Variants in PCSK5 observed in about 807,000 individuals in gnomAD.
PCSK5 encodes the protein prohormone convertase 5.
PCSK5 carries 129 observed loss-of-function variants against 233.2 expected under a neutral mutation model. That is an observed-to-expected ratio of 0.55 (90% confidence interval 0.48 to 0.64). The LOEUF (loss-of-function observed/expected upper bound fraction) is 0.64. Among genes scored for constraint, PCSK5 ranks in the 30% least tolerant of loss-of-function variants. The pLI, the probability that PCSK5 is intolerant of heterozygous loss-of-function variation, is 0.00. For missense variants in PCSK5, 2,076 were observed against 2,430.1 expected, an observed-to-expected ratio of 0.85 and a Z score of 3.06; for synonymous variants, 825 against 879.2, an observed-to-expected ratio of 0.94 and a Z score of 1.09.
chr9:76,352,935 G>C (rs147330751), intron 36 of PCSK5, among the ~76,000 whole-genome samples: 40 of 151,910 alleles, frequency 2.6e-4, no homozygotes, highest in African/African-American at 9.4e-4. Flanking sequence ...TGTAGTCCCA[G>C]CTACTTGTGG....
chr9:75,908,964 TATCTATCTATCTATCTATCTATCTATCC>T lies in PCSK5; in HGVS notation c.192+17592_192+17619del, dbSNP rs1407311786. 7.0e-5 allele frequency among the ~76,000 whole-genome samples: 8 copies of T among 114,944 alleles called. No individual in the cohort carries two copies. The East Asian group carries it at 2.1e-3, about 30-fold the overall frequency. 75.4% of individuals were successfully genotyped at this position (114,944 alleles called of 152,430 possible). A position where few individuals can be genotyped will look rare whatever the true frequency, so the allele number is the denominator to read the frequency against. Reference sequence around the variant, plus strand: ...CTGTCTATCTATCTATCTATCTATCTATCTATCTATCTATCTATCTATCTATCCGATTTTCTCTCCTCTGCTAGATAAT... The same window carrying T: ...CTGTCTATCTATCTATCTATCTATCTGATTTTCTCTCCTCTGCTAGATAAT... On this transcript the variant is annotated intron_variant, in intron 1 of 37. Transcript: ENST00000674117.
intron 1 of PCSK5, among the ~76,000 whole-genome samples, chr9:75,920,435 T>C (rs533057502): frequency 2.6e-5 from 4 of 152,082 alleles, no homozygotes; most frequent in Non-Finnish European, 4.4e-5. Flanking sequence ...ATCTATCACA[T>C]ACTTTTAATT....
chr9:76,208,771 C>T (rs1470547918), intron 20 of PCSK5, among the ~76,000 whole-genome samples: 1 of 152,148 alleles, frequency 6.6e-6, no homozygotes, highest in Non-Finnish European at 1.5e-5. Context: ...ATTCTGATTG[C>T]TCATGCGGTA....
intron 1 of PCSK5, among the ~76,000 whole-genome samples, chr9:75,915,472 C>T (rs1392754868): frequency 3.3e-5 from 5 of 152,260 alleles, no homozygotes; most frequent in African/African-American, 1.2e-4. Flanking sequence ...ATTCCCCACT[C>T]TTGGTCTTTA....
rs557836811 is a variant in PCSK5 at position 76,321,488 on chromosome 9, C to T, written c.3951C>T (p.Asn1317=). Residue 1317 remains asparagine (N), a synonymous_variant, in exon 31 of 38, where the codon AAC becomes AAT. Coordinates refer to ENST00000674117, the MANE Select transcript of PCSK5 (RefSeq NM_001372043.1). ...CSSPCRTCEG[N]ATNCHSCEGG... ...CTCCTTGCAGAACATGTGAAGGAAA[C>T]GCCACCAACTGCCATTCTTGTGAAG... The T allele has an allele frequency of 2.2e-5, 36 of 1,612,180 alleles. 1 individual carries two copies. Among genetic ancestry groups the T allele is most frequent in the South Asian group, 7.7e-5 (7 of 91,070 alleles).
chr9:75,946,805 G>T (rs1399622008), intron 2 of PCSK5, among the ~76,000 whole-genome samples: 1 of 152,090 alleles, frequency 6.6e-6, no homozygotes, highest in Non-Finnish European at 1.5e-5. Context: ...GGCCAGGCTG[G>T]TCTTGAACTC....
chr9:76,351,478 A>C (rs1228888045), intron 36 of PCSK5, among the ~76,000 whole-genome samples: 1 of 87,670 alleles, frequency 1.1e-5, no homozygotes, highest in Non-Finnish European at 2.5e-5. Context: ...GAAAGAAAGA[A>C]AGAAAGAAAG....
chr9:76,221,783 T>C (rs1370073227), intron 20 of PCSK5, among the ~76,000 whole-genome samples: 1 of 152,154 alleles, frequency 6.6e-6, no homozygotes, highest in Non-Finnish European at 1.5e-5. Flanking sequence ...GGATCCACAA[T>C]TTACGATCCA....
chr9:76,005,092 T>C (rs2131438110), intron 3 of PCSK5, among the ~76,000 whole-genome samples: 1 of 152,358 alleles, frequency 6.6e-6, no homozygotes. Context: ...GTGAGAATCA[T>C]AGTTATTAAC....
intron 1 of PCSK5, among the ~76,000 whole-genome samples, chr9:75,900,290 T>G (rs1180976404): frequency 6.6e-6 from 1 of 152,186 alleles, no homozygotes; most frequent in African/African-American, 2.4e-5. Context: ...ACAAGAGTGA[T>G]CCCCGCATAC....
At chr9:76,209,369 T>C in intron 20 of PCSK5, 1 of 287,212 alleles carries the variant, frequency 3.5e-6, no homozygotes, top group Non-Finnish European at 7.0e-6. Context: ...TAGAATTTAG[T>C]AGCTTCTAAC....
intron 4 of PCSK5, among the ~76,000 whole-genome samples, chr9:76,024,888 A>T (rs554527491): frequency 6.6e-6 from 1 of 152,322 alleles, no homozygotes; most frequent in African/African-American, 2.4e-5. Context: ...AGCAAATCCA[A>T]CTTTGGTTTT....
chr9:76,259,198 C>T (rs1204506575), intron 24 of PCSK5, among the ~76,000 whole-genome samples: 1 of 152,178 alleles, frequency 6.6e-6, no homozygotes, highest in African/African-American at 2.4e-5. Context: ...ACTTTAGTCT[C>T]CTGCACATCT....
chr9:76,196,407 A>C (rs1022203556), intron 20 of PCSK5, among the ~76,000 whole-genome samples: 1 of 152,252 alleles, frequency 6.6e-6, no homozygotes, highest in Non-Finnish European at 1.5e-5. Flanking sequence ...GTCTAAAATA[A>C]ATCTCCGGTA....
chr9:75,931,818 G>A (rs538665961), intron 1 of PCSK5, among the ~76,000 whole-genome samples: 203 of 152,250 alleles, frequency 1.3e-3, no homozygotes, highest in South Asian at 2.3e-3. Flanking sequence ...TAGATATTGC[G>A]ATTTTACTTT....
At chr9:76,096,275 T>A (rs1831511055) in intron 8 of PCSK5, among the ~76,000 whole-genome samples, 173 bp downstream of exon 8, 1 of 152,088 alleles carries the variant, frequency 6.6e-6, no homozygotes, top group African/African-American at 2.4e-5. Context: ...TTGTAAACAT[T>A]ACCAATTGAA....
At chr9:76,118,680 GATA>G (rs1352874061) in intron 9 of PCSK5, among the ~76,000 whole-genome samples, 2 of 150,976 alleles carry the variant, frequency 1.3e-5, no homozygotes, top group Middle Eastern at 3.4e-3. Context: ...GTATTATTTT[GATA>G]ATATCTTCAA....
intron 14 of PCSK5, among the ~76,000 whole-genome samples, chr9:76,177,887 T>C (rs1823684400): frequency 2.0e-5 from 3 of 152,164 alleles, no homozygotes; most frequent in South Asian, 4.1e-4. Flanking sequence ...AGAAACAGCA[T>C]AGTATGTGAA....
Position 76,350,921 on chromosome 9 carries a change from T to A in PCSK5, c.5060T>A (p.Val1687Glu). ...GACTGTCTTGTGGGGGAATACAGAG[T>A]GGGAGAGGTATGGAGGGCTGGGGGT... ...TSDCLVGEYR[V>E]GEGEKFNCEK... The change falls in exon 36 of 38, where the codon GTG becomes GAG. Residue 1687 changes from valine to glutamate, a missense_variant. Physicochemically the swap from Val to Glu is moderately radical, Grantham distance 121 (BLOSUM62 -2). Around this residue, in one of 6 missense-constraint regions of PCSK5, gnomAD observed 1,510 missense variants for 1,538.1 expected, o/e 0.98. Transcript: ENST00000674117. 1 of 1,584,360 alleles carries A rather than the reference T, an allele frequency of 6.3e-7. No individual in the cohort carries two copies. Among genetic ancestry groups the A allele is most frequent in the Non-Finnish European group, 8.7e-7 (1 of 1,155,812 alleles).
Sources: allele counts gnomAD v4.1 joint callset (sites outside exome capture counted in the v4.1 genomes callset), GRCh38; gene constraint gnomAD v4.1.1; regional missense constraint gnomAD v4.1.1; transcripts MANE v1.5; gene names NCBI Gene and HGNC (gene_info 2026-07-23, HGNC 2026-07-21).